OPCML: variants seen among roughly 807,000 people sequenced by gnomAD.
The protein encoded by OPCML is opioid binding protein/cell adhesion molecule like, also known as opioid-binding protein/cell adhesion molecule.
OPCML carries 13 observed loss-of-function variants against 37.8 expected under a neutral mutation model. The ratio of observed to expected loss-of-function variants is 0.34; its 90% confidence interval spans 0.22 to 0.55. The LOEUF is 0.55. Among genes scored for constraint, OPCML ranks in the 20% least tolerant of loss-of-function variants. The pLI is 0.91. For synonymous variants in OPCML, 176 were observed against 168.8 expected (o/e 1.04, Z -0.33); for missense variants, 341 against 435.6 (o/e 0.78, Z 1.93).
intron 1 of OPCML, among the ~76,000 whole-genome samples, chr11:132,950,618 C>T (rs1008906162): frequency 1.3e-5 from 2 of 152,188 alleles, no homozygotes; most frequent in African/African-American, 4.8e-5. Context: ...TCATTGAAAG[C>T]TTGCTTTCCT....
chr11:132,638,186 T>TATATATATAGAGAGAGAGAG (rs71067383), intron 3 of OPCML, among the ~76,000 whole-genome samples: 9 of 131,018 alleles, frequency 6.9e-5, no homozygotes, highest in African/African-American at 2.2e-4. Context: ...TATATATATA[T>TATATATATAGAGAGAGAGAG]ACAGAGAGAG....
intron 2 of OPCML, among the ~76,000 whole-genome samples, chr11:132,854,083 T>A (rs1014771854): frequency 1.6e-4 from 25 of 152,284 alleles, no homozygotes; most frequent in Middle Eastern, 3.4e-3. Context: ...CAAACAACTA[T>A]AAATAGGGAA....
chr11:132,441,460 GC>G (rs2096035045), intron 4 of OPCML, among the ~76,000 whole-genome samples: 1 of 152,204 alleles, frequency 6.6e-6, no homozygotes, highest in Admixed American at 6.5e-5. Context: ...GAGCCACCGC[GC>G]CCGGCCCACC....
intron 4 of OPCML, among the ~76,000 whole-genome samples, chr11:132,470,356 A>C (rs948898633): frequency 6.6e-6 from 1 of 152,158 alleles, no homozygotes; most frequent in Non-Finnish European, 1.5e-5. Context: ...GTGAAGAATT[A>C]AGAATGACAC....
chr11:133,367,085 T>C (rs960727493), intron 1 of OPCML, among the ~76,000 whole-genome samples: 4 of 152,176 alleles, frequency 2.6e-5, no homozygotes, highest in Non-Finnish European at 1.5e-5. Context: ...TTCAAGTGAT[T>C]CTCCTGCCTA....
intron 1 of OPCML, among the ~76,000 whole-genome samples, chr11:133,321,639 G>C (rs557772004): frequency 6.6e-6 from 1 of 152,112 alleles, no homozygotes; most frequent in African/African-American, 2.4e-5. Flanking sequence ...CATAAAATCA[G>C]GCTTTTCAAT....
intron 3 of OPCML, among the ~76,000 whole-genome samples, chr11:132,625,737 T>C (rs1166306008): frequency 6.6e-6 from 1 of 152,134 alleles, no homozygotes; most frequent in African/African-American, 2.4e-5. Flanking sequence ...TATTTCTGCA[T>C]ACCCAGCATC....
intron 2 of OPCML, among the ~76,000 whole-genome samples, chr11:132,912,888 T>C (rs1944473528): frequency 6.6e-6 from 1 of 152,200 alleles, no homozygotes; most frequent in South Asian, 2.1e-4. Context: ...TGAAAACAAC[T>C]TAGCAAATTA....
intron 1 of OPCML, among the ~76,000 whole-genome samples, chr11:133,469,550 A>G (rs950077113): frequency 6.6e-6 from 1 of 152,212 alleles, no homozygotes; most frequent in Non-Finnish European, 1.5e-5. Flanking sequence ...ACTTCAATTC[A>G]TGCCATATGT....
chr11:132,792,894 T>C (rs2466775), intron 2 of OPCML, among the ~76,000 whole-genome samples: 116,656 of 152,114 alleles, frequency 0.77, 45,618 homozygotes, highest in Non-Finnish European at 0.84. Flanking sequence ...GTCTAATCCC[T>C]ACCTGATAAT....
At chr11:132,692,163 G>GC (rs1450528454) in intron 2 of OPCML, among the ~76,000 whole-genome samples, 3 of 151,542 alleles carry the variant, frequency 2.0e-5, no homozygotes, top group Admixed American at 6.6e-5. Context: ...GAAAATTCAA[G>GC]AACCTGAAGT....
intron 2 of OPCML, among the ~76,000 whole-genome samples, chr11:132,782,917 G>GTGTGTA (rs376141259): frequency 6.0e-4 from 75 of 125,078 alleles, no homozygotes; most frequent in African/African-American, 2.1e-3. Context: ...TATAGTGTGT[G>GTGTGTA]TATATATATA....
At chr11:132,945,976 G>A (rs1017303280) in intron 1 of OPCML, among the ~76,000 whole-genome samples, 13 of 152,312 alleles carry the variant, frequency 8.5e-5, no homozygotes, top group African/African-American at 2.9e-4. Flanking sequence ...TAGAGACGGG[G>A]TTTCACCGTG....
At chr11:132,541,579 CTG>C (rs1250959808) in intron 3 of OPCML, among the ~76,000 whole-genome samples, 1 of 150,926 alleles carries the variant, frequency 6.6e-6, no homozygotes, top group South Asian at 2.1e-4. Flanking sequence ...TCAAGTGACA[CTG>C]TGCAAAGTTT....
chr11:132,502,561 C>T (rs1301908974), intron 4 of OPCML, among the ~76,000 whole-genome samples: 2 of 152,156 alleles, frequency 1.3e-5, no homozygotes, highest in Non-Finnish European at 1.5e-5. Flanking sequence ...CCACGGAATA[C>T]AGTTGCAATA....
Position 133,497,629 on chromosome 11 carries a change from C to T in OPCML, c.61+34635G>A, listed in dbSNP as rs558868658. On this transcript the variant is annotated intron_variant, in intron 1 of 7. Transcript: ENST00000524381. ...TTGTTAACAGCATTTCTCCTTTGGG[C>T]CCTCATGCCTCTGGCTTTGAGTATG... Among the ~76,000 whole-genome samples, 3 of 152,218 alleles carry T rather than the reference C, an allele frequency of 2.0e-5. No individual in the cohort carries two copies. In the East Asian group the frequency reaches 5.8e-4, roughly 30 times the overall value.
At chr11:132,932,757 C>A (rs1199302765) in intron 2 of OPCML, among the ~76,000 whole-genome samples, 1 of 150,172 alleles carries the variant, frequency 6.7e-6, no homozygotes, top group East Asian at 2.0e-4. Context: ...TTAATAGCAA[C>A]TGTTTATTGT....
At chr11:133,272,003 C>T (rs1234274649) in intron 1 of OPCML, among the ~76,000 whole-genome samples, 4 of 152,124 alleles carry the variant, frequency 2.6e-5, no homozygotes, top group African/African-American at 9.7e-5. Flanking sequence ...CACTCACTGC[C>T]CTTTCTGTCC....
intron 2 of OPCML, among the ~76,000 whole-genome samples, chr11:132,875,298 G>A (rs1434838357): frequency 1.3e-5 from 2 of 151,974 alleles, no homozygotes; most frequent in East Asian, 1.9e-4. Context: ...AGTCACTTCT[G>A]AGCCATAGTT....
Sources: gnomAD v4.1 joint callset for allele counts (sites outside exome capture counted in the v4.1 genomes callset) on GRCh38, gnomAD v4.1.1 for gene constraint, MANE v1.5 for transcripts, NCBI Gene and HGNC (gene_info 2026-07-23, HGNC 2026-07-21) for gene names.